EXOC4: variants seen among roughly 807,000 people sequenced by gnomAD.
The protein encoded by EXOC4 is SEC8-like 1.
EXOC4 carries 71 observed loss-of-function variants against 107.2 expected under a neutral mutation model. The ratio of observed to expected loss-of-function variants is 0.66; its 90% CI spans 0.55 to 0.81. The LOEUF (loss-of-function observed/expected upper bound fraction) is 0.81. Ranked by LOEUF, EXOC4 falls within the 30% of genes least tolerant of loss-of-function variation. EXOC4 has a pLI of 0.00. For missense variants in EXOC4, 1,108 were observed against 1,189.6 expected (o/e 0.93, Z 1.01); for synonymous variants, 456 against 441.2 (o/e 1.03, Z -0.42).
intron 4 of EXOC4, among the ~76,000 whole-genome samples, chr7:133,311,694 C>G (rs571148633): frequency 6.6e-6 from 1 of 152,214 alleles, no homozygotes; most frequent in East Asian, 1.9e-4. Context: ...TTCAGGAAAA[C>G]AGAGTCAAAG....
downstream of EXOC4, among the ~76,000 whole-genome samples, chr7:134,069,090 A>G (rs1332737151): frequency 6.6e-6 from 1 of 152,048 alleles, no homozygotes; most frequent in Non-Finnish European, 1.5e-5. Flanking sequence ...AGACAGCTCA[A>G]ATTTCAGCCT....
At chr7:133,287,586 T>C (rs1794311010) in intron 2 of EXOC4, among the ~76,000 whole-genome samples, 1 of 152,204 alleles carries the variant, frequency 6.6e-6, no homozygotes, top group Admixed American at 6.5e-5. Flanking sequence ...GTGCTGGGAT[T>C]ACAGGCATGA....
chr7:134,088,973 A>G, the EXOC4 span, among the ~76,000 whole-genome samples: 1 of 152,184 alleles, frequency 6.6e-6, no homozygotes, highest in Admixed American at 6.5e-5. Flanking sequence ...ATAAAACCTT[A>G]TAAATAAATC....
intron 10 of EXOC4, among the ~76,000 whole-genome samples, chr7:133,632,044 G>A (rs1404133428): frequency 1.3e-5 from 2 of 152,034 alleles, no homozygotes; most frequent in African/African-American, 4.8e-5. Context: ...TTTTAAATGT[G>A]AAGTTAGAAT....
At chr7:133,612,289 T>C (rs1354505780) in intron 9 of EXOC4, among the ~76,000 whole-genome samples, 4 of 152,214 alleles carry the variant, frequency 2.6e-5, no homozygotes, top group Non-Finnish European at 4.4e-5. Flanking sequence ...TTCTGGAACT[T>C]ACTCTTACTT....
chr7:133,559,864 T>C (rs145143653), intron 9 of EXOC4, among the ~76,000 whole-genome samples: 5 of 152,354 alleles, frequency 3.3e-5, no homozygotes, highest in Non-Finnish European at 7.3e-5. Flanking sequence ...CTCAGATTTG[T>C]GTCAGTTGAC....
chr7:133,533,312 G>T (rs1397833476), intron 9 of EXOC4, among the ~76,000 whole-genome samples: 1 of 152,108 alleles, frequency 6.6e-6, no homozygotes, highest in African/African-American at 2.4e-5. Flanking sequence ...ATTCTTTGTA[G>T]AACCTCATCT....
chr7:133,617,415 C>T (rs1802219745), intron 9 of EXOC4, among the ~76,000 whole-genome samples: 1 of 151,924 alleles, frequency 6.6e-6, no homozygotes, highest in Non-Finnish European at 1.5e-5. Flanking sequence ...ACTAAAAATG[C>T]CAGATAAAAC....
intron 5 of EXOC4, among the ~76,000 whole-genome samples, chr7:133,353,858 C>T (rs1030590143): frequency 2.0e-5 from 3 of 151,738 alleles, no homozygotes; most frequent in Non-Finnish European, 2.9e-5. Flanking sequence ...CCTATCTTGA[C>T]GTTTGCTGAT....
intron 13 of EXOC4, among the ~76,000 whole-genome samples, chr7:133,924,683 A>G (rs1025960745): frequency 3.3e-5 from 5 of 152,230 alleles, no homozygotes; most frequent in African/African-American, 1.2e-4. Flanking sequence ...CCAGATCAAA[A>G]TATACAATTT....
chr7:134,061,580 C>T lies in EXOC4; in HGVS notation c.2688-2711C>T, dbSNP rs901356987. ...AGAAATCGCAGCTTTCAAGTTCCTTCTAGCTTTGAAAGAATCGTGAGCCCC... is the reference window on the plus strand; with the variant it reads ...AGAAATCGCAGCTTTCAAGTTCCTTTTAGCTTTGAAAGAATCGTGAGCCCC... On this transcript the variant is annotated intron_variant, in intron 17 of 17. Transcript: ENST00000253861. 5.3e-5 allele frequency among the ~76,000 whole-genome samples: 8 copies of T among 152,212 alleles called. 1 individual carries two copies. The highest frequency in any genetic ancestry group is 7.3e-5 in the Non-Finnish European group (5 of 68,044).
intron 3 of EXOC4, among the ~76,000 whole-genome samples, chr7:133,302,315 T>A (rs1297057352): frequency 6.6e-6 from 1 of 152,230 alleles, no homozygotes; most frequent in East Asian, 1.9e-4. Flanking sequence ...TTCTATTGTC[T>A]ATCTGAGCAG....
chr7:133,485,079 C>CAA (rs1491252321), intron 9 of EXOC4, among the ~76,000 whole-genome samples: 291 of 26,800 alleles, frequency 0.011, 9 homozygotes, highest in Middle Eastern at 0.062. Context: ...GACTCCGTCT[C>CAA]AAAAAATAAA....
chr7:134,050,049 A>G (rs1339710397), intron 17 of EXOC4, among the ~76,000 whole-genome samples: 1 of 152,236 alleles, frequency 6.6e-6, no homozygotes, highest in Non-Finnish European at 1.5e-5. Flanking sequence ...TAGAAAAAGT[A>G]AGGTGCAGAA....
At chr7:133,414,119 T>C (rs1274236279) in intron 7 of EXOC4, among the ~76,000 whole-genome samples, 1 of 152,152 alleles carries the variant, frequency 6.6e-6, no homozygotes, top group African/African-American at 2.4e-5. Flanking sequence ...AAAGAAGTCA[T>C]ACAATTCAAT....
chr7:133,498,490 C>A (rs555619702), intron 9 of EXOC4, among the ~76,000 whole-genome samples: 26 of 152,266 alleles, frequency 1.7e-4, no homozygotes, highest in African/African-American at 6.0e-4. Flanking sequence ...GAGGCTGAGG[C>A]AGGAGAGTGG....
In EXOC4 at chr7:134,004,965, T is replaced by C. The variant is rs770817215; in HGVS notation, c.2402T>C (p.Ile801Thr). The change falls in exon 16 of 18, where the codon ATT becomes ACT. Residue 801 changes from isoleucine (I) to threonine (T), a missense_variant. Physicochemically the swap from Ile to Thr is moderately conservative, Grantham distance 89. Transcript: ENST00000253861. Reference sequence around the variant, plus strand: ...CTTGCAAAGGAGGGGAACTATGCCATTGTGGCTAATGTGGAAAGTATGGAT... The same window carrying C: ...CTTGCAAAGGAGGGGAACTATGCCACTGTGGCTAATGTGGAAAGTATGGAT... ...IPLAKEGNYA[I>T]VANVESMDYD... The C allele has an allele frequency of 6.2e-7, 1 of 1,613,552 alleles. No individual in the cohort carries two copies. Among genetic ancestry groups the C allele is most frequent in the Non-Finnish European group, 8.5e-7 (1 of 1,179,620 alleles).
At chr7:134,007,972 AG>A (rs1359483757) in intron 17 of EXOC4, 137 bp downstream of exon 17, 1 of 749,446 alleles carries the variant, frequency 1.3e-6, no homozygotes, top group Non-Finnish European at 2.0e-6. Flanking sequence ...AGATGTTTTT[AG>A]GTCCTATAGA....
At chr7:133,518,618 A>C (rs560034472) in intron 9 of EXOC4, among the ~76,000 whole-genome samples, 1 of 152,338 alleles carries the variant, frequency 6.6e-6, no homozygotes, top group Admixed American at 6.5e-5. Context: ...ATAAATGGAA[A>C]AATAAAATGT....
Sources: allele counts gnomAD v4.1 joint callset (sites outside exome capture counted in the v4.1 genomes callset), GRCh38; gene constraint gnomAD v4.1.1; transcripts MANE v1.5; gene names NCBI Gene and HGNC (gene_info 2026-07-23, HGNC 2026-07-21).